The following EXOC6B variants were observed in gnomAD, a reference collection of about 807,000 sequenced individuals.
EXOC6B encodes the protein exocyst complex component 6B.
In EXOC6B, 54 loss-of-function variants were observed where a neutral mutation model predicts 113.5. The ratio of observed to expected loss-of-function variants is 0.48; its 90% CI spans 0.38 to 0.60. EXOC6B has a LOEUF of 0.60. Among genes scored for constraint, EXOC6B ranks in the 20% least tolerant of loss-of-function variants. EXOC6B has a pLI of 0.00. For missense variants in EXOC6B, 797 were observed against 977.5 expected, an observed-to-expected ratio of 0.82 and a Z score of 2.46; for synonymous variants, 357 against 339.0, an observed-to-expected ratio of 1.05 and a Z score of -0.58.
At chr2:72,655,276 C>A (rs1287390294) in intron 6 of EXOC6B, among the ~76,000 whole-genome samples, 3 of 152,102 alleles carry the variant, frequency 2.0e-5, no homozygotes, top group Non-Finnish European at 4.4e-5. Context: ...AGCATACATA[C>A]TATTAATAAC....
At chr2:72,295,912 A>G (rs988935832) in intron 20 of EXOC6B, among the ~76,000 whole-genome samples, 1 of 152,164 alleles carries the variant, frequency 6.6e-6, no homozygotes, top group Non-Finnish European at 1.5e-5. Context: ...GAGATCATAC[A>G]AAAGAGGAAG....
chr2:72,564,424 CG>C (rs1558800341), intron 7 of EXOC6B, among the ~76,000 whole-genome samples: 7 of 152,148 alleles, frequency 4.6e-5, no homozygotes. Flanking sequence ...ATAGTTTCTC[CG>C]TATCGGTAAA....
At position 72,513,439 on chromosome 2, in the gene EXOC6B, T is replaced by C. The variant is rs572264777; in HGVS notation, c.1047-187A>G. On this transcript the variant is annotated intron_variant, in intron 10 of 21. Coordinates refer to ENST00000272427, the MANE Select transcript of EXOC6B (RefSeq NM_015189.3). ...GGACCAAAAATTATGTCTGTGATCA[T>C]GACATCTTCATAACCACTCCTAGAG... Among the ~76,000 whole-genome samples, 14 of 152,258 alleles carry C rather than the reference T, an allele frequency of 9.2e-5. No individual in the cohort carries two copies. In the South Asian group the frequency reaches 2.9e-3, roughly 32 times the overall value.
intron 20 of EXOC6B, among the ~76,000 whole-genome samples, chr2:72,215,022 C>T (rs1221446020): frequency 6.6e-6 from 1 of 152,160 alleles, no homozygotes; most frequent in Non-Finnish European, 1.5e-5. Context: ...CAAGTGAATG[C>T]CCTCTCTCAT....
intron 20 of EXOC6B, among the ~76,000 whole-genome samples, chr2:72,316,823 G>T (rs1285148628): frequency 6.6e-6 from 1 of 152,162 alleles, no homozygotes; most frequent in African/African-American, 2.4e-5. Context: ...GACCCAAAGG[G>T]GGGACAATTA....
Position 72,631,420 on chromosome 2 carries a change from GTGTGTGTATATATA to G in EXOC6B, c.670-55766_670-55753del, listed in dbSNP as rs1314142989. On this transcript the variant is annotated intron_variant, in intron 6 of 21. Transcript: ENST00000272427. ...AGTGTGTGTATATGTGTGTGTGTGT[GTGTGTGTATATATA>G]TATATATATATATATATATATATAT... Among the ~76,000 whole-genome samples, 8 of 8,094 alleles carry G rather than the reference GTGTGTGTATATATA, an allele frequency of 9.9e-4. No individual in the cohort carries two copies. In the Admixed American group the frequency reaches 0.013, roughly 14 times the overall value. The allele number at this position is 8,094 out of a possible 152,430, so 5.3% of individuals were successfully genotyped here.
Position 72,498,560 on chromosome 2 carries a change from A to G in EXOC6B, c.1240-9T>C, listed in dbSNP as rs1297598765. On this transcript the variant is annotated splice_polypyrimidine_tract_variant and intron_variant, in intron 12 of 21. Transcript: ENST00000272427. ...ACAGGGAAACCATACACCTGAAACA[A>G]AATAAGAAAATCACTTCAGTGTCTA... 6.3e-7 allele frequency: 1 copy of G among 1,589,606 alleles called. No individual in the cohort carries two copies. The highest frequency in any genetic ancestry group is 8.5e-7 in the Non-Finnish European group (1 of 1,169,944).
intron 19 of EXOC6B, among the ~76,000 whole-genome samples, chr2:72,374,951 A>T (rs1324442214): frequency 6.6e-6 from 1 of 151,958 alleles, no homozygotes; most frequent in Admixed American, 6.6e-5. Flanking sequence ...TTTTTTAAAA[A>T]ATTAAAAGAG....
chr2:72,496,605 T>C lies in EXOC6B; in HGVS notation c.1338-46A>G, dbSNP rs1052356889. 16 of 1,140,290 alleles carry C rather than the reference T, an allele frequency of 1.4e-5. No individual in the cohort carries two copies. The African/African-American group carries it at 2.5e-4, about 17-fold the overall frequency. The allele number at this position is 1,140,290 out of a possible 1,614,324, so 70.6% of individuals were successfully genotyped here. The stretch of plus-strand genomic sequence containing the variant: ...AAAGGGAAGGGAAGGATAGACAAAG[T>C]GGGGGGGTAGGGGAGGGGAACAGAG... On this transcript the variant is annotated intron_variant, in intron 13 of 21. Transcript: ENST00000272427.
chr2:72,343,027 G>T (rs1040390893), intron 19 of EXOC6B, among the ~76,000 whole-genome samples: 1 of 152,106 alleles, frequency 6.6e-6, no homozygotes, highest in South Asian at 2.1e-4. Flanking sequence ...ATATACAATG[G>T]AATACTATTA....
intron 20 of EXOC6B, among the ~76,000 whole-genome samples, chr2:72,318,310 C>T (rs1687645655): frequency 6.6e-6 from 1 of 152,172 alleles, no homozygotes; most frequent in Non-Finnish European, 1.5e-5. Context: ...TCTAATGGCA[C>T]AGCAATACTT....
intron 20 of EXOC6B, among the ~76,000 whole-genome samples, chr2:72,257,156 A>G (rs1177914057): frequency 1.3e-5 from 2 of 152,228 alleles, no homozygotes; most frequent in Non-Finnish European, 2.9e-5. Context: ...AACAGGTATC[A>G]TTCAAAGTGT....
intron 18 of EXOC6B, among the ~76,000 whole-genome samples, chr2:72,438,956 T>G (rs1387852265): frequency 2.6e-5 from 4 of 152,156 alleles, no homozygotes; most frequent in Non-Finnish European, 5.9e-5. Flanking sequence ...AATAAACTAT[T>G]AGGAAATAGT....
intron 18 of EXOC6B, chr2:72,462,509 G>T (rs545456585): frequency 5.3e-5 from 8 of 151,888 alleles, no homozygotes; most frequent in African/African-American, 1.7e-4. Flanking sequence ...AAAAATTTCA[G>T]AAGTGATTAC....
chr2:72,548,523 T>C (rs1703029981), intron 8 of EXOC6B, among the ~76,000 whole-genome samples: 1 of 152,222 alleles, frequency 6.6e-6, no homozygotes, highest in Admixed American at 6.5e-5. Flanking sequence ...ACTTATGTTA[T>C]GATCCTTCCG....
chr2:72,402,125 G>T (rs922973443), intron 18 of EXOC6B, among the ~76,000 whole-genome samples: 4 of 151,970 alleles, frequency 2.6e-5, no homozygotes, highest in Non-Finnish European at 5.9e-5. Context: ...AAACCATCTA[G>T]TCTTGGACTT....
intron 17 of EXOC6B, among the ~76,000 whole-genome samples, chr2:72,467,539 T>C (rs930075397): frequency 1.3e-5 from 2 of 152,200 alleles, no homozygotes; most frequent in African/African-American, 2.4e-5. Flanking sequence ...TGGAAAGTCA[T>C]ATATCATTGT....
chr2:72,716,089 T>C (rs1379546033), intron 6 of EXOC6B, among the ~76,000 whole-genome samples: 1 of 152,202 alleles, frequency 6.6e-6, no homozygotes, highest in African/African-American at 2.4e-5. Flanking sequence ...GGTATGGCTA[T>C]ATAATTAAGT....
At chr2:72,576,144 TAA>T (rs1416726324) in intron 6 of EXOC6B, among the ~76,000 whole-genome samples, 1 of 152,082 alleles carries the variant, frequency 6.6e-6, no homozygotes, top group Non-Finnish European at 1.5e-5. Flanking sequence ...CATTTAGGCT[TAA>T]GAGACTGTTA....
Sources: allele counts gnomAD v4.1 joint callset (sites outside exome capture counted in the v4.1 genomes callset), GRCh38; gene constraint gnomAD v4.1.1; transcripts MANE v1.5; gene names NCBI Gene and HGNC (gene_info 2026-07-23, HGNC 2026-07-21).